The following TOX variants were observed in gnomAD, a reference collection of about 807,000 sequenced individuals.
TOX encodes thymocyte selection-associated high mobility group box protein TOX.
A neutral mutation model predicts 53.7 loss-of-function variants in TOX; 11 were observed. That is an observed-to-expected ratio of 0.20 (90% CI 0.13 to 0.34). The LOEUF (loss-of-function observed/expected upper bound fraction) is 0.34. Among genes scored for constraint, TOX ranks in the 10% least tolerant of loss-of-function variants. The probability of loss-of-function intolerance (pLI) is 1.00; values close to 1 mark genes in which losing one functional copy is unlikely to be tolerated. For synonymous variants in TOX, 225 were observed against 245.3 expected, an observed-to-expected ratio of 0.92 and a Z score of 0.77; for missense variants, 570 against 664.6, an observed-to-expected ratio of 0.86 and a Z score of 1.56.
At chr8:59,040,896 C>CA (rs1803569777) in intron 1 of TOX, among the ~76,000 whole-genome samples, 1 of 152,248 alleles carries the variant, frequency 6.6e-6, no homozygotes. Context: ...GAAAACAAAA[C>CA]AAAAAACTGT....
chr8:58,832,092 T>C (rs185504094), intron 5 of TOX, among the ~76,000 whole-genome samples: 3 of 147,380 alleles, frequency 2.0e-5, no homozygotes, highest in Admixed American at 1.4e-4. Flanking sequence ...CACATTTATA[T>C]ACCAATAATT....
chr8:58,944,402 A>G (rs1375191), intron 2 of TOX, among the ~76,000 whole-genome samples: 2 of 152,096 alleles, frequency 1.3e-5, no homozygotes, highest in Non-Finnish European at 2.9e-5. Flanking sequence ...TTACTATTTC[A>G]AGTCATTTTC....
chr8:59,042,083 A>C (rs1803598424), intron 1 of TOX, among the ~76,000 whole-genome samples: 1 of 152,130 alleles, frequency 6.6e-6, no homozygotes, highest in African/African-American at 2.4e-5. Context: ...ACTACAACCA[A>C]AGGGGTTTCT....
At chr8:58,923,151 T>A (rs1235450511) in intron 3 of TOX, among the ~76,000 whole-genome samples, 2 of 152,036 alleles carry the variant, frequency 1.3e-5, no homozygotes, top group Non-Finnish European at 2.9e-5. Flanking sequence ...GTCAATCTAA[T>A]TAATATATGC....
At chr8:59,094,135 A>C (rs1804670645) in intron 1 of TOX, among the ~76,000 whole-genome samples, 1 of 152,216 alleles carries the variant, frequency 6.6e-6, no homozygotes, top group Non-Finnish European at 1.5e-5. Flanking sequence ...ATTAAGTATC[A>C]GTATCTTTAA....
Position 58,975,448 on chromosome 8 carries a change from T to G in TOX, c.103-15440A>C, listed in dbSNP as rs1813078814. Among the ~76,000 whole-genome samples the G allele has an allele frequency of 2.6e-5, 4 of 152,150 alleles. No individual in the cohort carries two copies. The South Asian group carries it at 8.3e-4, about 32-fold the overall frequency. ...ACTTTTTAGGAAGTATACAGGTATA[T>G]CTAGGAAATATTGTGGGTTTTGTTC... is the stretch of plus-strand genomic sequence containing the variant. On this transcript the variant is annotated intron_variant, in intron 1 of 8. Transcript: ENST00000361421.
At chr8:59,065,081 A>T (rs951627321) in intron 1 of TOX, among the ~76,000 whole-genome samples, 1 of 152,226 alleles carries the variant, frequency 6.6e-6, no homozygotes, top group Non-Finnish European at 1.5e-5. Flanking sequence ...TAAACACGCC[A>T]GCATATTAGT....
rs566047083 is a variant in TOX, at chr8:59,079,727, T to C, written c.102+39159A>G. ...CTACTAGGTCAGTGAGAAGGGGAAA[T>C]GTGGGGTTAGAAGCCCCACACACAG... On this transcript the variant is annotated intron_variant, in intron 1 of 8. Coordinates refer to ENST00000361421, the MANE Select transcript of TOX (RefSeq NM_014729.3). Among the ~76,000 whole-genome samples the C allele has an allele frequency of 4.6e-5, 7 of 152,230 alleles. No individual in the cohort carries two copies. The East Asian group carries it at 1.4e-3, about 30-fold the overall frequency.
At chr8:59,111,088 T>A (rs760752403) in intron 1 of TOX, among the ~76,000 whole-genome samples, 2 of 152,166 alleles carry the variant, frequency 1.3e-5, no homozygotes, top group Non-Finnish European at 2.9e-5. Flanking sequence ...AAGGTTTTAG[T>A]GTCAGAACTT....
intron 1 of TOX, among the ~76,000 whole-genome samples, chr8:59,054,589 A>G (rs1803851855): frequency 6.6e-6 from 1 of 152,218 alleles, no homozygotes; most frequent in Non-Finnish European, 1.5e-5. Context: ...TATGTTTAGT[A>G]ACATTTCCAG....
At chr8:58,859,488 C>T (rs1281215072) in intron 3 of TOX, among the ~76,000 whole-genome samples, 1 of 152,114 alleles carries the variant, frequency 6.6e-6, no homozygotes, top group Non-Finnish European at 1.5e-5. Flanking sequence ...CAGTACGCTA[C>T]AATAGAATAC....
At chr8:58,837,994 G>T (rs1032838793) in intron 5 of TOX, 87 bp downstream of exon 5, 2 of 1,295,060 alleles carry the variant, frequency 1.5e-6, no homozygotes, top group East Asian at 2.3e-5. Flanking sequence ...GGGATCTAAA[G>T]AATTTACCCC....
intron 3 of TOX, among the ~76,000 whole-genome samples, chr8:58,920,440 A>C (rs1431860216): frequency 1.6e-5 from 1 of 63,280 alleles, no homozygotes; most frequent in Admixed American, 2.0e-4. Context: ...CATCATTCTC[A>C]GTAAACTATC....
At chr8:58,962,549 C>A (rs529935484) in intron 1 of TOX, among the ~76,000 whole-genome samples, 128 of 152,282 alleles carry the variant, frequency 8.4e-4, no homozygotes, top group African/African-American at 3.0e-3. Context: ...CACTTCACCA[C>A]CAGAGCATAT....
intron 3 of TOX, among the ~76,000 whole-genome samples, chr8:58,900,387 A>G (rs191321198): frequency 6.6e-6 from 1 of 152,292 alleles, no homozygotes; most frequent in Non-Finnish European, 1.5e-5. Context: ...AGGTAAAAAC[A>G]TACATATGAA....
At chr8:58,919,084 T>C (rs962139562) in intron 3 of TOX, among the ~76,000 whole-genome samples, 1 of 150,318 alleles carries the variant, frequency 6.7e-6, no homozygotes, top group Non-Finnish European at 1.5e-5. Context: ...GAACATTCCA[T>C]GCTCATGGGT....
In TOX at chr8:59,076,533, G is replaced by A. The variant is rs533953874; in HGVS notation, c.102+42353C>T. The stretch of plus-strand genomic sequence containing the variant: ...AAGAAATAACTGATATTTCAGACTC[G>A]GCACCTATACTTTTGGCATCTTCCT... On this transcript the variant is annotated intron_variant, in intron 1 of 8. Transcript: ENST00000361421. Among the ~76,000 whole-genome samples, 32 of 152,080 alleles carry A rather than the reference G, an allele frequency of 2.1e-4. No individual in the cohort carries two copies. The East Asian group carries it at 5.0e-3, about 24-fold the overall frequency.
chr8:58,992,286 C>A (rs1052712514), intron 1 of TOX, among the ~76,000 whole-genome samples: 1 of 152,166 alleles, frequency 6.6e-6, no homozygotes, highest in East Asian at 1.9e-4. Flanking sequence ...GATCTTCCCC[C>A]CTTATGTCTT....
intron 3 of TOX, among the ~76,000 whole-genome samples, chr8:58,856,635 C>T (rs1810920948): frequency 1.3e-5 from 2 of 152,190 alleles, no homozygotes; most frequent in South Asian, 4.2e-4. Flanking sequence ...TCAAGGAGGA[C>T]ATTTGTAGCT....
Sources: gnomAD v4.1 joint callset for allele counts (sites outside exome capture counted in the v4.1 genomes callset) on GRCh38, gnomAD v4.1.1 for gene constraint, MANE v1.5 for transcripts, NCBI Gene and HGNC (gene_info 2026-07-23, HGNC 2026-07-21) for gene names.